The following MCPH1 variants were observed in gnomAD, a reference collection of about 807,000 sequenced individuals.
MCPH1 encodes microcephalin.
In MCPH1, 104 loss-of-function variants were observed where a neutral mutation model predicts 84.5. The ratio of observed to expected loss-of-function variants is 1.23; its 90% confidence interval spans 1.05 to 1.45. The LOEUF (loss-of-function observed/expected upper bound fraction) is 1.45, where lower values mean the gene tolerates loss of function less well. MCPH1 is among the 40% of genes most tolerant of loss of function. The pLI is 0.00. For missense variants in MCPH1, 1,498 were observed against 1,005.7 expected (o/e 1.49, Z -6.62); for synonymous variants, 514 against 366.8 (o/e 1.40, Z -4.58).
chr8:6,568,152 G>T (rs930102912), intron 12 of MCPH1, among the ~76,000 whole-genome samples: 10 of 152,084 alleles, frequency 6.6e-5, no homozygotes, highest in Non-Finnish European at 1.3e-4. Flanking sequence ...AGCCCTTTTG[G>T]CTCAGTTTGC....
chr8:6,482,215 C>G (rs1809333586), intron 11 of MCPH1, among the ~76,000 whole-genome samples: 1 of 152,172 alleles, frequency 6.6e-6, no homozygotes, highest in Non-Finnish European at 1.5e-5. Flanking sequence ...AAGGTGCTTT[C>G]TTTAAGTGAA....
chr8:6,634,458 C>G (rs1440941577), intron 13 of MCPH1, among the ~76,000 whole-genome samples: 1 of 152,004 alleles, frequency 6.6e-6, no homozygotes, highest in Non-Finnish European at 1.5e-5. Context: ...ACGGGACAGC[C>G]CCTACAGGAA....
intron 12 of MCPH1, among the ~76,000 whole-genome samples, chr8:6,524,252 A>G (rs149298129): frequency 1.4e-4 from 21 of 152,340 alleles, no homozygotes; most frequent in East Asian, 7.7e-4. Flanking sequence ...AAATATGTCA[A>G]TGATGGCATC....
rs552754148 is a variant in MCPH1 at position 6,432,975 on chromosome 8, G to C, written c.321+1389G>C. On this transcript the variant is annotated intron_variant, in intron 4 of 13. Transcript: ENST00000344683. ...AGCTTTCAATTTGATGAGTATCCTA[G>C]GTGGCATTTCTTCAGTACATTACAC... Among the ~76,000 whole-genome samples, 4 of 152,266 alleles carry C rather than the reference G, an allele frequency of 2.6e-5. No homozygotes were observed. The South Asian group carries it at 8.3e-4, about 32-fold the overall frequency.
chr8:6,457,968 G>T (rs1585886709), intron 9 of MCPH1, among the ~76,000 whole-genome samples: 1 of 152,142 alleles, frequency 6.6e-6, no homozygotes. Context: ...ACATGCTGGT[G>T]TCATTAATAT....
rs1440438620 is a variant in MCPH1, at chr8:6,409,259, T to C, written c.23-20T>C. On this transcript the variant is annotated intron_variant, in intron 1 of 13. Transcript: ENST00000344683. The stretch of plus-strand genomic sequence containing the variant: ...GCTGGAATTTCAAATGTATGTTTCA[T>C]GTTCATATCTTGTTTTCAGATGTAG... 14 of 1,584,682 alleles carry C rather than the reference T, an allele frequency of 8.8e-6. No homozygotes were observed. The highest frequency in any genetic ancestry group is 1.3e-5 in the African/African-American group (1 of 74,316).
intron 4 of MCPH1, among the ~76,000 whole-genome samples, chr8:6,435,304 A>G (rs988583338): frequency 2.6e-5 from 4 of 152,190 alleles, no homozygotes; most frequent in African/African-American, 7.2e-5. Flanking sequence ...CAACCCACAT[A>G]GAGTCCAAGA....
Position 6,498,199 on chromosome 8 carries a change from C to T in MCPH1, c.2137-1653C>T, listed in dbSNP as rs565666619. ...ACAAGATGCTGAATTCCTGTTGCAG[C>T]GGATGCTGAATTCACTCTGCCCTTC... On this transcript the variant is annotated intron_variant, in intron 11 of 13. Transcript: ENST00000344683. 6.6e-5 allele frequency among the ~76,000 whole-genome samples: 10 copies of T among 152,318 alleles called. No homozygotes were observed. In the East Asian group the frequency reaches 1.2e-3, roughly 18 times the overall value.
chr8:6,613,617 A>G (rs1268740990), intron 12 of MCPH1, among the ~76,000 whole-genome samples: 1 of 151,510 alleles, frequency 6.6e-6, no homozygotes, highest in Non-Finnish European at 1.5e-5. Flanking sequence ...CAGGAGCCCA[A>G]GGGACCGGGG....
In MCPH1 at chr8:6,417,964, C is replaced by T. The variant is rs144005486; in HGVS notation, c.233+3081C>T. On this transcript the variant is annotated intron_variant, in intron 3 of 13. Transcript: ENST00000344683. ...TTGTTTTAGCAAGCAGTTAACTTGT[C>T]GTTAAAATGAAACGCACACTGTCAT... is the stretch of plus-strand genomic sequence containing the variant. Among the ~76,000 whole-genome samples the T allele has an allele frequency of 2.2e-3, 329 of 152,264 alleles. 2 individuals carry two copies. Among genetic ancestry groups the T allele is most frequent in the African/African-American group, 7.7e-3 (319 of 41,558 alleles).
intron 9 of MCPH1, among the ~76,000 whole-genome samples, chr8:6,458,743 T>C (rs1585891216): frequency 6.6e-6 from 1 of 152,112 alleles, no homozygotes; most frequent in East Asian, 1.9e-4. Flanking sequence ...CTCCTGAATT[T>C]AAGCGATTCT....
At chr8:6,605,773 C>G (rs978987718) in intron 12 of MCPH1, among the ~76,000 whole-genome samples, 1 of 152,208 alleles carries the variant, frequency 6.6e-6, no homozygotes. Flanking sequence ...TCTCAGCTCA[C>G]TGCAACCTCC....
intron 12 of MCPH1, chr8:6,508,664 A>G (rs1234994588): frequency 5.1e-6 from 3 of 588,918 alleles, no homozygotes; most frequent in Non-Finnish European, 8.9e-6. Context: ...AGAGCTTGCT[A>G]AGAATCAAAT....
chr8:6,487,868 C>G (rs180946344), intron 11 of MCPH1, among the ~76,000 whole-genome samples: 389 of 152,278 alleles, frequency 2.6e-3, no homozygotes, highest in African/African-American at 7.5e-3. Flanking sequence ...GAGAAGGACG[C>G]TGCAAATAAT....
intron 12 of MCPH1, among the ~76,000 whole-genome samples, chr8:6,611,943 C>T (rs1340367733): frequency 6.6e-6 from 1 of 152,182 alleles, no homozygotes; most frequent in Non-Finnish European, 1.5e-5. Context: ...TAAGGAGCTT[C>T]ATTACATAGG....
chr8:6,590,305 G>A (rs1828353882), intron 12 of MCPH1, among the ~76,000 whole-genome samples: 1 of 152,194 alleles, frequency 6.6e-6, no homozygotes, highest in Non-Finnish European at 1.5e-5. Context: ...TGGAGGGAAT[G>A]TCCTAAATGT....
intron 12 of MCPH1, among the ~76,000 whole-genome samples, chr8:6,571,313 G>T (rs1311875009): frequency 6.6e-6 from 1 of 152,102 alleles, no homozygotes; most frequent in Non-Finnish European, 1.5e-5. Context: ...CATGACCTGT[G>T]TTAAGTCAAA....
intron 12 of MCPH1, chr8:6,502,469 T>C (rs1812380091): frequency 6.6e-6 from 1 of 152,242 alleles, no homozygotes; most frequent in Non-Finnish European, 1.5e-5. Flanking sequence ...CATTAACTTA[T>C]AACTAAGCTG....
chr8:6,410,414 T>A (rs1021225392), intron 2 of MCPH1, among the ~76,000 whole-genome samples: 2 of 152,234 alleles, frequency 1.3e-5, no homozygotes, highest in African/African-American at 4.8e-5. Flanking sequence ...ATTGCTGAAC[T>A]TAGTGCAGTT....
Sources: allele counts gnomAD v4.1 joint callset (sites outside exome capture counted in the v4.1 genomes callset), GRCh38; gene constraint gnomAD v4.1.1; transcripts MANE v1.5; gene names NCBI Gene and HGNC (gene_info 2026-07-23, HGNC 2026-07-21).